AUTS2: variants seen among roughly 807,000 people sequenced by gnomAD.
The protein encoded by AUTS2 is activator of transcription and developmental regulator AUTS2.
Under a neutral mutation model 112.4 loss-of-function variants are expected in AUTS2, and 17 were observed. The ratio of observed to expected loss-of-function variants is 0.15; its 90% CI spans 0.10 to 0.23. The LOEUF (loss-of-function observed/expected upper bound fraction) is 0.23, where lower values mean the gene tolerates loss of function less well. Ranked by LOEUF, AUTS2 falls within the 10% of genes least tolerant of loss-of-function variation. The pLI is 1.00. For missense variants in AUTS2, 1,510 were observed against 1,701.6 expected (o/e 0.89, Z 1.98); for synonymous variants, 751 against 702.7 (o/e 1.07, Z -1.09).
chr7:69,928,244 G>T (rs1796098005), intron 2 of AUTS2, among the ~76,000 whole-genome samples: 1 of 152,078 alleles, frequency 6.6e-6, no homozygotes, highest in Non-Finnish European at 1.5e-5. Flanking sequence ...GCCATGGGTG[G>T]GCCTGGAAAA....
intron 2 of AUTS2, among the ~76,000 whole-genome samples, chr7:70,103,504 A>T (rs1804606700): frequency 6.6e-6 from 1 of 152,170 alleles, no homozygotes. Flanking sequence ...GGAGTTGTTC[A>T]TCTCTCTATA....
intron 5 of AUTS2, among the ~76,000 whole-genome samples, chr7:70,542,377 C>T (rs934077409): frequency 6.6e-6 from 1 of 152,220 alleles, no homozygotes; most frequent in African/African-American, 2.4e-5. Flanking sequence ...GTCTAGACAT[C>T]TTTCCTTTCT....
chr7:70,598,820 A>G (rs1381763539), intron 5 of AUTS2, among the ~76,000 whole-genome samples: 1 of 152,080 alleles, frequency 6.6e-6, no homozygotes, highest in African/African-American at 2.4e-5. Context: ...TAACCTATGT[A>G]TTTATCTGAA....
intron 4 of AUTS2, among the ~76,000 whole-genome samples, chr7:70,183,662 G>C (rs950414956): frequency 6.6e-6 from 1 of 152,092 alleles, no homozygotes; most frequent in Non-Finnish European, 1.5e-5. Context: ...ATCACCCTTT[G>C]GGTCAAGTGC....
At chr7:70,299,524 G>T (rs559104648) in intron 4 of AUTS2, among the ~76,000 whole-genome samples, 1 of 152,266 alleles carries the variant, frequency 6.6e-6, no homozygotes, top group South Asian at 2.1e-4. Flanking sequence ...CCCAAAAATA[G>T]GTGCTTGAAA....
intron 4 of AUTS2, among the ~76,000 whole-genome samples, chr7:70,285,389 A>G (rs1270498345): frequency 1.3e-5 from 2 of 152,150 alleles, no homozygotes; most frequent in East Asian, 3.9e-4. Flanking sequence ...TTATTTTGTA[A>G]TAGTTGGGAC....
At chr7:69,984,406 CAAAAAAA>C in intron 2 of AUTS2, among the ~76,000 whole-genome samples, 1 of 80,594 alleles carries the variant, frequency 1.2e-5, no homozygotes, top group African/African-American at 4.8e-5. Context: ...GACTCTGTCT[CAAAAAAA>C]AAAAAAAAAA....
chr7:69,744,032 T>A (rs529818929), intron 1 of AUTS2, among the ~76,000 whole-genome samples: 1 of 151,946 alleles, frequency 6.6e-6, no homozygotes, highest in South Asian at 2.1e-4. Flanking sequence ...GAACTCCTAG[T>A]GTTAATTGAG....
chr7:70,090,645 A>G (rs1295404856), intron 2 of AUTS2, among the ~76,000 whole-genome samples: 1 of 146,814 alleles, frequency 6.8e-6, no homozygotes, highest in African/African-American at 2.5e-5. Flanking sequence ...ATGTAATACC[A>G]TTTGCCCTCT....
chr7:69,709,837 G>T (rs73166559), intron 1 of AUTS2, among the ~76,000 whole-genome samples: 14,811 of 152,110 alleles, frequency 0.097, 1,142 homozygotes, highest in African/African-American at 0.21. Flanking sequence ...TCTTGCTACC[G>T]TCTGAGCAGT....
chr7:69,849,228 G>A (rs1474273854), intron 1 of AUTS2, among the ~76,000 whole-genome samples: 1 of 152,152 alleles, frequency 6.6e-6, no homozygotes, highest in African/African-American at 2.4e-5. Context: ...TTCAAGAGCT[G>A]TTGGCTACTT....
intron 4 of AUTS2, among the ~76,000 whole-genome samples, chr7:70,257,790 ACTC>A (rs1328292844): frequency 1.3e-5 from 2 of 151,560 alleles, no homozygotes; most frequent in Non-Finnish European, 2.9e-5. Context: ...GGCTACTACT[ACTC>A]CTTATGGGTA....
intron 2 of AUTS2, among the ~76,000 whole-genome samples, chr7:69,902,786 A>G (rs1465562126): frequency 6.6e-6 from 1 of 152,190 alleles, no homozygotes; most frequent in Admixed American, 6.5e-5. Context: ...AGTTCTTGTG[A>G]TGTTTTTCCA....
chr7:69,960,489 C>T (rs917228102), intron 2 of AUTS2, among the ~76,000 whole-genome samples: 2 of 152,104 alleles, frequency 1.3e-5, no homozygotes, highest in Non-Finnish European at 2.9e-5. Context: ...TGCTGCACAA[C>T]CAGTTAAAAT....
chr7:69,753,354 G>T (rs1441344214), intron 1 of AUTS2, among the ~76,000 whole-genome samples: 2 of 148,210 alleles, frequency 1.3e-5, no homozygotes, highest in African/African-American at 5.0e-5. Context: ...CTGTTGATCT[G>T]TTTTTTTTTT....
At chr7:70,597,185 A>T (rs1803250192) in intron 5 of AUTS2, among the ~76,000 whole-genome samples, 2 of 152,190 alleles carry the variant, frequency 1.3e-5, no homozygotes, top group Non-Finnish European at 2.9e-5. Context: ...TGATAAAGAG[A>T]TGTAACAGCT....
chr7:70,618,029 T>C (rs1804471207), intron 5 of AUTS2, among the ~76,000 whole-genome samples: 1 of 152,300 alleles, frequency 6.6e-6, no homozygotes, highest in Admixed American at 6.5e-5. Context: ...CAGATATGAC[T>C]CCACCTAAGT....
intron 6 of AUTS2, among the ~76,000 whole-genome samples, chr7:70,722,677 A>G (rs1786764148): frequency 6.6e-6 from 1 of 152,336 alleles, no homozygotes. Context: ...GGGAGTCTCC[A>G]TTAAGTCATT....
At chr7:70,266,594 A>C (rs1204989341) in intron 4 of AUTS2, among the ~76,000 whole-genome samples, 1 of 152,170 alleles carries the variant, frequency 6.6e-6, no homozygotes, top group Non-Finnish European at 1.5e-5. Flanking sequence ...AACTTTTTTG[A>C]GGGTGATGGA....
Sources: gnomAD v4.1 joint callset for allele counts (sites outside exome capture counted in the v4.1 genomes callset) on GRCh38, gnomAD v4.1.1 for gene constraint, MANE v1.5 for transcripts, NCBI Gene and HGNC (gene_info 2026-07-23, HGNC 2026-07-21) for gene names.